TNKS: variants seen among roughly 807,000 people sequenced by gnomAD.
The protein encoded by TNKS is poly [ADP-ribose] polymerase tankyrase-1.
TNKS carries 72 observed loss-of-function variants against 135.8 expected under a neutral mutation model. That is an observed-to-expected ratio of 0.53 (90% confidence interval 0.44 to 0.64). The LOEUF (loss-of-function observed/expected upper bound fraction) is 0.64, where lower values mean the gene tolerates loss of function less well. TNKS is among the 30% of genes least tolerant of loss of function. The pLI is 0.00. For synonymous variants in TNKS, 849 were observed against 649.3 expected (o/e 1.31, Z -4.68); for missense variants, 1,769 against 1,674.0 (o/e 1.06, Z -0.99).
At chr8:9,691,470 C>T (rs1284127185) in intron 5 of TNKS, among the ~76,000 whole-genome samples, 1 of 152,116 alleles carries the variant, frequency 6.6e-6, no homozygotes, top group African/African-American at 2.4e-5. Context: ...TGCCCCTCAG[C>T]TATATTAGTC....
chr8:9,610,174 C>T (rs1024839229), intron 2 of TNKS, among the ~76,000 whole-genome samples: 8 of 132,684 alleles, frequency 6.0e-5, no homozygotes, highest in African/African-American at 2.4e-4. Context: ...TTCATAGTTA[C>T]TGTTAGTGGT....
chr8:9,767,822 G>C (rs1304600638), intron 25 of TNKS, among the ~76,000 whole-genome samples: 1 of 151,992 alleles, frequency 6.6e-6, no homozygotes, highest in Non-Finnish European at 1.5e-5. Flanking sequence ...AGCCGGGCGT[G>C]GTGGCAGGCG....
chr8:9,606,096 G>C (rs867747599), intron 2 of TNKS, among the ~76,000 whole-genome samples: 36 of 126,642 alleles, frequency 2.8e-4, no homozygotes, highest in African/African-American at 9.1e-4. Context: ...TTTATGTCAA[G>C]TCTGTAGTCC....
At chr8:9,610,512 T>C (rs938035807) in intron 2 of TNKS, among the ~76,000 whole-genome samples, 16 of 152,174 alleles carry the variant, frequency 1.1e-4, no homozygotes, top group African/African-American at 3.1e-4. Context: ...AGCTCATGTG[T>C]ATTGGTAAAG....
rs78853088 is a variant in TNKS, at chr8:9,621,061, A to G, written c.994+5384A>G. On this transcript the variant is annotated intron_variant, in intron 3 of 26. Transcript: ENST00000310430. ...ATTAATTATTTGACATTTTATGCCA[A>G]TAGTTTTAATAAATTTTTAGCTTCC... 8.4e-3 allele frequency among the ~76,000 whole-genome samples: 1,283 copies of G among 152,360 alleles called. 17 individuals are homozygous for G. Among genetic ancestry groups the G allele is most frequent in the African/African-American group, 0.029 (1,219 of 41,580 alleles).
At chr8:9,612,544 AT>A (rs1799499941) in intron 2 of TNKS, among the ~76,000 whole-genome samples, 1 of 149,156 alleles carries the variant, frequency 6.7e-6, no homozygotes, top group African/African-American at 2.4e-5. Context: ...AGAATTGTTT[AT>A]ATATTTTTAA....
intron 2 of TNKS, among the ~76,000 whole-genome samples, chr8:9,602,875 T>G (rs1028773806): frequency 6.6e-6 from 1 of 152,230 alleles, no homozygotes; most frequent in African/African-American, 2.4e-5. Flanking sequence ...TGCTATCTGT[T>G]GTATATTTTA....
chr8:9,763,286 C>T, intron 22 of TNKS, 42 bp downstream of exon 22: 1 of 1,378,130 alleles, frequency 7.3e-7, no homozygotes, highest in Non-Finnish European at 1.0e-6. Flanking sequence ...TTCTTGAAAT[C>T]TGTGGATAAA....
At chr8:9,726,574 A>T (rs1250078836) in intron 12 of TNKS, 67 bp from the exon 13 acceptor site, 9 of 1,220,556 alleles carry the variant, frequency 7.4e-6, no homozygotes, top group Non-Finnish European at 2.3e-6. Flanking sequence ...TTTTGTTTCC[A>T]AAATCAATGC....
intron 22 of TNKS, among the ~76,000 whole-genome samples, chr8:9,764,236 G>C (rs10095004): frequency 0.28 from 43,137 of 151,616 alleles, 6,624 homozygotes; most frequent in East Asian, 0.39. Context: ...CCCTTTAGTA[G>C]TACATTATAG....
intron 2 of TNKS, among the ~76,000 whole-genome samples, chr8:9,610,717 A>G (rs1399627659): frequency 6.6e-6 from 1 of 152,206 alleles, no homozygotes; most frequent in Non-Finnish European, 1.5e-5. Flanking sequence ...TAAAGTAAAA[A>G]CTTCCTAAAA....
chr8:9,769,996 T>C (rs967458086), intron 25 of TNKS, 110 bp from the exon 26 acceptor site: 7 of 952,726 alleles, frequency 7.3e-6, no homozygotes, highest in Non-Finnish European at 7.5e-6. Flanking sequence ...AAATGACATT[T>C]AAATTAGCTT....
chr8:9,750,353 A>C (rs11249943), intron 18 of TNKS, among the ~76,000 whole-genome samples: 27,610 of 152,126 alleles, frequency 0.18, 2,734 homozygotes, highest in Non-Finnish European at 0.19. Flanking sequence ...ACATTTCCTT[A>C]AAGAGAACTG....
intron 3 of TNKS, among the ~76,000 whole-genome samples, chr8:9,654,080 G>C (rs1453081451): frequency 1.4e-4 from 21 of 152,212 alleles, no homozygotes; most frequent in African/African-American, 4.8e-5. Flanking sequence ...ACAATTCTGA[G>C]CTGTTTCAGC....
At position 9,777,828 on chromosome 8, in the gene TNKS, T is replaced by G. The variant is rs1232426330; in HGVS notation, c.*1092T>G. ...GGGTCACAAAAATACCACTTGATTG[T>G]TTCTTTAGTTGAGAATGCTGGGATT... On this transcript the variant is annotated 3_prime_UTR_variant, in exon 27 of 27. Transcript: ENST00000310430. 1 of 152,388 alleles carries G rather than the reference T, an allele frequency of 6.6e-6. No homozygotes were observed. Among genetic ancestry groups the G allele is most frequent in the Non-Finnish European group, 1.5e-5 (1 of 68,026 alleles). 9.4% of individuals were successfully genotyped at this position (152,388 alleles called of 1,614,324 possible).
At chr8:9,571,863 T>G (rs2129051613) in intron 1 of TNKS, among the ~76,000 whole-genome samples, 1 of 152,324 alleles carries the variant, frequency 6.6e-6, no homozygotes, top group Non-Finnish European at 1.5e-5. Flanking sequence ...TCTCACCTCT[T>G]GATTTACTGT....
In TNKS at chr8:9,680,115, A is replaced by G. The variant is rs34585234; in HGVS notation, c.1031+128A>G. 4,685 of 652,554 alleles carry G rather than the reference A, an allele frequency of 7.2e-3. 29 individuals carry two copies. Among genetic ancestry groups the G allele is most frequent in the African/African-American group, 0.023 (1,247 of 55,094 alleles). The allele number at this position is 652,554 out of a possible 1,614,324, so 40.4% of individuals were successfully genotyped here. A position where few individuals can be genotyped will look rare whatever the true frequency, so the allele number is the denominator to read the frequency against. ...GATTTTATGCAATTATGCAGATACTAAATCTTTATGTACTTTATATCATTA... is the reference window on the plus strand; with the variant it reads ...GATTTTATGCAATTATGCAGATACTGAATCTTTATGTACTTTATATCATTA... On this transcript the variant is annotated intron_variant, in intron 4 of 26. Coordinates refer to ENST00000310430, the MANE Select transcript of TNKS (RefSeq NM_003747.3).
At chr8:9,686,423 A>T (rs1350775791) in intron 5 of TNKS, among the ~76,000 whole-genome samples, 1 of 152,164 alleles carries the variant, frequency 6.6e-6, no homozygotes, top group Non-Finnish European at 1.5e-5. Context: ...TACCACATAG[A>T]GCTGAAGACC....
intron 3 of TNKS, among the ~76,000 whole-genome samples, chr8:9,659,249 C>A (rs188042530): frequency 1.7e-3 from 258 of 152,336 alleles, no homozygotes; most frequent in African/African-American, 5.8e-3. Flanking sequence ...TAGACATCTA[C>A]AGAACTCTCC....
Sources: gnomAD v4.1 joint callset for allele counts (sites outside exome capture counted in the v4.1 genomes callset) on GRCh38, gnomAD v4.1.1 for gene constraint, MANE v1.5 for transcripts, NCBI Gene and HGNC (gene_info 2026-07-23, HGNC 2026-07-21) for gene names.